Variants in SPON1 observed in about 807,000 individuals in gnomAD.
SPON1 encodes spondin 1.
In SPON1, 52 loss-of-function variants were observed where a neutral mutation model predicts 111.7. The ratio of observed to expected loss-of-function variants is 0.47; its 90% CI spans 0.37 to 0.59. The LOEUF is 0.59. Among genes scored for constraint, SPON1 ranks in the 20% least tolerant of loss-of-function variants. The pLI, the probability that SPON1 is intolerant of heterozygous loss-of-function variation, is 0.00. For missense variants in SPON1, 957 were observed against 1,068.5 expected (o/e 0.90, Z 1.46); for synonymous variants, 410 against 395.8 (o/e 1.04, Z -0.43).
At chr11:14,032,611 G>A (rs1048119237) in intron 2 of SPON1, among the ~76,000 whole-genome samples, 4 of 152,150 alleles carry the variant, frequency 2.6e-5, no homozygotes, top group Admixed American at 1.3e-4. Context: ...TCCTCATTTT[G>A]CAGATGAGAA....
chr11:14,049,634 A>G (rs1037174748), intron 3 of SPON1, among the ~76,000 whole-genome samples: 1 of 152,212 alleles, frequency 6.6e-6, no homozygotes, highest in African/African-American at 2.4e-5. Context: ...GCTTGCAGGC[A>G]GTAAGGACAC....
At chr11:14,141,138 C>T (rs1554928750) in intron 6 of SPON1, among the ~76,000 whole-genome samples, 1 of 152,076 alleles carries the variant, frequency 6.6e-6, no homozygotes. Context: ...GCCCCAACAG[C>T]TCACCACGCA....
At chr11:14,205,157 T>C (rs1848504681) in intron 6 of SPON1, among the ~76,000 whole-genome samples, 1 of 152,256 alleles carries the variant, frequency 6.6e-6, no homozygotes, top group Non-Finnish European at 1.5e-5. Flanking sequence ...GTATTCTTGT[T>C]TTAAGATTCA....
At chr11:14,154,240 C>T (rs1847816822) in intron 6 of SPON1, among the ~76,000 whole-genome samples, 2 of 152,214 alleles carry the variant, frequency 1.3e-5, no homozygotes, top group Admixed American at 1.3e-4. Flanking sequence ...CCACATTTCC[C>T]CTCTGCACTG....
intron 6 of SPON1, among the ~76,000 whole-genome samples, chr11:14,192,340 T>G (rs1315720144): frequency 1.3e-5 from 2 of 152,126 alleles, no homozygotes; most frequent in East Asian, 3.8e-4. Context: ...TTCACTGTTA[T>G]GTCCTCAGTG....
rs1849086579 is a variant in SPON1, at chr11:14,254,611, A to T, written c.974A>T (p.Asp325Val). ...SFLTMMGPSP[D>V]WNVGLSAEDL... Reference sequence around the variant, plus strand: ...CTGACCATGATGGGCCCTAGTCCCGACTGGAACGTAGGCTTATCTGCAGAA... The same window carrying T: ...CTGACCATGATGGGCCCTAGTCCCGTCTGGAACGTAGGCTTATCTGCAGAA... The change falls in exon 8 of 16, where the codon GAC becomes GTC. Residue 325 changes from aspartate (D) to valine (V), a missense_variant. Asp to Val is a radical substitution (Grantham distance 152). Around this residue, in one of 5 missense-constraint regions of SPON1, gnomAD observed 19 missense variants for 47.5 expected, o/e 0.40. Transcript: ENST00000576479. 1 of 1,613,886 alleles carries T rather than the reference A, an allele frequency of 6.2e-7. No homozygotes were observed.
At chr11:13,985,757 A>G (rs1554910238) in intron 2 of SPON1, among the ~76,000 whole-genome samples, 1 of 152,150 alleles carries the variant, frequency 6.6e-6, no homozygotes, top group African/African-American at 2.4e-5. Context: ...CAAGGAGTTC[A>G]CTAAGTTGAC....
chr11:14,113,530 G>T (rs983452145), intron 5 of SPON1, among the ~76,000 whole-genome samples: 4 of 140,652 alleles, frequency 2.8e-5, no homozygotes, highest in Non-Finnish European at 6.1e-5. Context: ...CTATGTGCAG[G>T]TCTTTGGAAA....
chr11:14,179,923 T>G (rs1246501908), intron 6 of SPON1, among the ~76,000 whole-genome samples: 1 of 152,220 alleles, frequency 6.6e-6, no homozygotes, highest in Non-Finnish European at 1.5e-5. Context: ...CTCTACTTCC[T>G]ATTTCAGATT....
chr11:14,219,719 G>T (rs1848660879), intron 6 of SPON1, among the ~76,000 whole-genome samples: 1 of 152,198 alleles, frequency 6.6e-6, no homozygotes, highest in Non-Finnish European at 1.5e-5. Context: ...CAGATGACAT[G>T]ATGTGTTTAT....
intron 5 of SPON1, among the ~76,000 whole-genome samples, chr11:14,125,302 A>G (rs1421376996): frequency 1.3e-5 from 2 of 152,248 alleles, no homozygotes; most frequent in African/African-American, 4.8e-5. Flanking sequence ...TGGCAGGTCC[A>G]CAATACTTTT....
At chr11:14,126,148 T>A (rs1847457425) in intron 5 of SPON1, among the ~76,000 whole-genome samples, 1 of 152,236 alleles carries the variant, frequency 6.6e-6, no homozygotes. Context: ...TCTGTTTTAC[T>A]CTACCAATTC....
At chr11:13,969,464 T>C (rs1445048391) in intron 1 of SPON1, among the ~76,000 whole-genome samples, 1 of 151,938 alleles carries the variant, frequency 6.6e-6, no homozygotes, top group East Asian at 1.9e-4. Flanking sequence ...TTTGTCTCAT[T>C]CTCCTTTCTC....
At chr11:14,000,484 A>T (rs782773073) in intron 2 of SPON1, among the ~76,000 whole-genome samples, 2 of 152,194 alleles carry the variant, frequency 1.3e-5, no homozygotes, top group Non-Finnish European at 2.9e-5. Context: ...TCAGCACTGC[A>T]TCTGTTCAGC....
intron 3 of SPON1, among the ~76,000 whole-genome samples, chr11:14,052,632 C>T (rs1331777634): frequency 1.3e-5 from 2 of 152,182 alleles, no homozygotes; most frequent in African/African-American, 4.8e-5. Context: ...TAAATGAAAA[C>T]ATGTGCCTGA....
chr11:14,217,368 A>G (rs1178900805), intron 6 of SPON1, among the ~76,000 whole-genome samples: 1 of 152,160 alleles, frequency 6.6e-6, no homozygotes, highest in Non-Finnish European at 1.5e-5. Flanking sequence ...AAAAAAAAAG[A>G]TTGATAGCTA....
chr11:14,054,526 G>C (rs1848730383), intron 3 of SPON1, among the ~76,000 whole-genome samples: 1 of 151,856 alleles, frequency 6.6e-6, no homozygotes, highest in Admixed American at 6.6e-5. Context: ...GAACTAGTTA[G>C]CTATCATCTC....
At chr11:14,111,946 G>C (rs1479153400) in intron 5 of SPON1, among the ~76,000 whole-genome samples, 1 of 152,000 alleles carries the variant, frequency 6.6e-6, no homozygotes, top group East Asian at 1.9e-4. Flanking sequence ...ATAGAATTGT[G>C]ATGTTAGCTT....
At chr11:14,204,130 G>T (rs782668710) in intron 6 of SPON1, among the ~76,000 whole-genome samples, 1 of 152,160 alleles carries the variant, frequency 6.6e-6, no homozygotes, top group East Asian at 1.9e-4. Context: ...AAATCCTTGG[G>T]AGACCCCGAT....
Sources: allele counts gnomAD v4.1 joint callset (sites outside exome capture counted in the v4.1 genomes callset), GRCh38; gene constraint gnomAD v4.1.1; regional missense constraint gnomAD v4.1.1; transcripts MANE v1.5; gene names NCBI Gene and HGNC (gene_info 2026-07-23, HGNC 2026-07-21).